Variants in SCARA5 observed in about 807,000 individuals in gnomAD.
SCARA5 encodes scavenger receptor class A, member 5 (putative).
SCARA5 carries 45 observed loss-of-function variants against 46.3 expected under a neutral mutation model. The observed-to-expected ratio is 0.97, with a 90% CI of 0.76 to 1.24. SCARA5 has a LOEUF of 1.24. Among genes scored for constraint, SCARA5 ranks in the 50% most tolerant of loss-of-function variants. The pLI is 0.00. For synonymous variants in SCARA5, 333 were observed against 306.5 expected, an observed-to-expected ratio of 1.09 and a Z score of -0.90; for missense variants, 680 against 689.0, an observed-to-expected ratio of 0.99 and a Z score of 0.15.
chr8:27,956,745 C>T (rs1253870604), intron 3 of SCARA5, among the ~76,000 whole-genome samples: 1 of 152,132 alleles, frequency 6.6e-6, no homozygotes, highest in East Asian at 1.9e-4. Flanking sequence ...AGGGGCCTCT[C>T]TTTATTTCTC....
chr8:27,966,460 G>C lies in SCARA5; in HGVS notation c.195C>G (p.Leu65=), dbSNP rs745493646. Residue 65 remains leucine (L), a synonymous_variant, in exon 3 of 9, where the codon CTC becomes CTG. Transcript: ENST00000354914. The stretch of plus-strand genomic sequence containing the variant: ...CAAGAATCAGGAAGACCAGCAGGTA[G>C]AGCCCCAGGACAGCATGCTTCAGGG... ...LSALKHAVLG[L]YLLVFLILVG... is the part of the protein sequence containing the mutation. 1 of 1,613,568 alleles carries C rather than the reference G, an allele frequency of 6.2e-7. No individual in the cohort carries two copies. The highest frequency in any genetic ancestry group is 8.5e-7 in the Non-Finnish European group (1 of 1,179,798).
intron 3 of SCARA5, among the ~76,000 whole-genome samples, chr8:27,964,421 G>A (rs1341851444): frequency 6.6e-6 from 1 of 152,090 alleles, no homozygotes; most frequent in Admixed American, 6.5e-5. Context: ...GAAAAATGCT[G>A]GAACAATTAA....
At chr8:27,980,999 T>A (rs1808605905) in intron 2 of SCARA5, among the ~76,000 whole-genome samples, 1 of 152,034 alleles carries the variant, frequency 6.6e-6, no homozygotes, top group African/African-American at 2.4e-5. Context: ...TACCTCCTCA[T>A]CTCTCCCTCT....
At chr8:27,946,535 C>T (rs149217480) in intron 3 of SCARA5, among the ~76,000 whole-genome samples, 46 of 152,362 alleles carry the variant, frequency 3.0e-4, no homozygotes, top group Admixed American at 2.0e-3. Context: ...TTGCAGCCTT[C>T]CTGAGAGAAA....
intron 3 of SCARA5, among the ~76,000 whole-genome samples, chr8:27,925,866 C>T (rs1807672313): frequency 6.6e-6 from 1 of 152,176 alleles, no homozygotes; most frequent in African/African-American, 2.4e-5. Flanking sequence ...CATCACTGGC[C>T]ATCAGAGAAA....
At chr8:27,900,273 T>C (rs1407354649) in intron 7 of SCARA5, among the ~76,000 whole-genome samples, 1 of 152,174 alleles carries the variant, frequency 6.6e-6, no homozygotes, top group Non-Finnish European at 1.5e-5. Flanking sequence ...TACAGCAAAG[T>C]CTAGGCACAG....
chr8:27,957,514 T>C (rs746580345), intron 3 of SCARA5, among the ~76,000 whole-genome samples: 2 of 152,196 alleles, frequency 1.3e-5, no homozygotes, highest in African/African-American at 2.4e-5. Context: ...TGAGGTCACA[T>C]AGCAATTGGC....
intron 8 of SCARA5, 36 bp downstream of exon 8, chr8:27,879,533 C>T: frequency 1.3e-6 from 2 of 1,567,318 alleles, no homozygotes; most frequent in Non-Finnish European, 8.7e-7. Flanking sequence ...ATGTGCAGGC[C>T]CTCTCCTCAT....
chr8:27,904,447 T>C (rs1807217712), intron 7 of SCARA5: 11 of 493,778 alleles, frequency 2.2e-5, no homozygotes. Context: ...CCTTATAAGG[T>C]AAAGACTCCT....
rs116382058 is a variant in SCARA5, at chr8:27,909,823, G to A, written c.917-80C>T. The A allele has an allele frequency of 3.2e-4, 290 of 903,926 alleles. 2 individuals are homozygous for A. In the African/African-American group the frequency reaches 4.5e-3, roughly 14 times the overall value. The allele number at this position is 903,926 out of a possible 1,614,324, so 56.0% of individuals were successfully genotyped here. A position where few individuals can be genotyped will look rare whatever the true frequency, so the allele number is the denominator to read the frequency against. On this transcript the variant is annotated intron_variant, in intron 4 of 8. Transcript: ENST00000354914. ...AGGTCATCTGTAGAGGAAACAAAAC[G>A]CCCTCTCTGAGGAGAGGAAGGGGCA... is the stretch of plus-strand genomic sequence containing the variant.
chr8:27,964,101 G>A (rs536746396), intron 3 of SCARA5, among the ~76,000 whole-genome samples: 4 of 152,234 alleles, frequency 2.6e-5, no homozygotes, highest in South Asian at 4.2e-4. Flanking sequence ...AAGGAGCATC[G>A]CTGAGGTCTT....
At chr8:27,939,458 T>C (rs891712486) in intron 3 of SCARA5, among the ~76,000 whole-genome samples, 2 of 152,192 alleles carry the variant, frequency 1.3e-5, no homozygotes. Flanking sequence ...CACCATGGAC[T>C]CTTGTCCTTG....
At chr8:27,985,870 G>A (rs954041467) in intron 2 of SCARA5, among the ~76,000 whole-genome samples, 1 of 152,238 alleles carries the variant, frequency 6.6e-6, no homozygotes, top group Non-Finnish European at 1.5e-5. Context: ...AAGGCGCAGT[G>A]GCTAGGGTTG....
chr8:27,912,867 TG>T (rs1232735968), intron 4 of SCARA5, among the ~76,000 whole-genome samples: 6 of 152,294 alleles, frequency 3.9e-5, no homozygotes, highest in South Asian at 4.1e-4. Flanking sequence ...ATCTGGAAGG[TG>T]GGCATTGAGT....
rs376479971 is a variant in SCARA5 at position 27,922,130 on chromosome 8, C to T, written c.357G>A (p.Ala119=). The T allele has an allele frequency of 3.4e-5, 54 of 1,606,740 alleles. No individual in the cohort carries two copies. Among genetic ancestry groups the T allele is most frequent in the African/African-American group, 1.2e-4 (9 of 74,746 alleles). Residue 119 remains alanine, a synonymous_variant, in exon 4 of 9, where the codon GCG becomes GCA. Coordinates refer to ENST00000354914, the MANE Select transcript of SCARA5 (RefSeq NM_173833.6). ...QLRLLQAPLQ[A]DLTEQVWKVQ... Reference sequence around the variant, plus strand: ...CCTTCCACACCTGCTCCGTCAGGTCCGCTTGCAGCGGAGCCTGCAGCAGCC... The same window carrying T: ...CCTTCCACACCTGCTCCGTCAGGTCTGCTTGCAGCGGAGCCTGCAGCAGCC...
At chr8:27,918,446 G>C (rs1807502059) in intron 4 of SCARA5, among the ~76,000 whole-genome samples, 1 of 93,894 alleles carries the variant, frequency 1.1e-5, no homozygotes, top group Non-Finnish European at 2.1e-5. Flanking sequence ...GGAGACTTCA[G>C]GGAGCTAGAA....
intron 5 of SCARA5, 52 bp downstream of exon 5, chr8:27,909,611 A>C: frequency 5.6e-5 from 70 of 1,249,162 alleles, no homozygotes; most frequent in Middle Eastern, 1.9e-4. Flanking sequence ...AGTAGCGGGT[A>C]GAGATGGATT....
chr8:27,948,898 C>T (rs893328541), intron 3 of SCARA5, among the ~76,000 whole-genome samples: 22 of 152,184 alleles, frequency 1.4e-4, no homozygotes, highest in African/African-American at 5.3e-4. Context: ...GTGTTATGGC[C>T]GTTTGTGTAT....
At chr8:27,923,945 C>A (rs1281561307) in intron 3 of SCARA5, among the ~76,000 whole-genome samples, 1 of 152,210 alleles carries the variant, frequency 6.6e-6, no homozygotes, top group Non-Finnish European at 1.5e-5. Context: ...ACCCCTTCCT[C>A]TTGGAGGGTT....
Sources: allele counts gnomAD v4.1 joint callset (sites outside exome capture counted in the v4.1 genomes callset), GRCh38; gene constraint gnomAD v4.1.1; transcripts MANE v1.5; gene names NCBI Gene and HGNC (gene_info 2026-07-23, HGNC 2026-07-21).